The following RFX4 variants were observed in gnomAD, a reference collection of about 807,000 sequenced individuals.
RFX4 encodes the protein regulatory factor X4.
In RFX4, 10 loss-of-function variants were observed where a neutral mutation model predicts 95.0. That is an observed-to-expected ratio of 0.11 (90% CI 0.06 to 0.18). The LOEUF is 0.18. Among genes scored for constraint, RFX4 ranks in the 10% least tolerant of loss-of-function variants. The pLI is 1.00. For synonymous variants in RFX4, 321 were observed against 340.7 expected (o/e 0.94, Z 0.64); for missense variants, 640 against 922.0 (o/e 0.69, Z 3.96).
chr12:106,762,674 T>G lies in RFX4; in HGVS notation c.*1205T>G, dbSNP rs1426373785. The G allele has an allele frequency of 6.6e-6, 1 of 152,614 alleles. No individual in the cohort carries two copies. The highest frequency in any genetic ancestry group is 1.5e-5 in the Non-Finnish European group (1 of 68,042). 9.5% of individuals were successfully genotyped at this position (152,614 alleles called of 1,614,324 possible). On this transcript the variant is annotated 3_prime_UTR_variant, in exon 18 of 18. Coordinates refer to ENST00000392842, the MANE Select transcript of RFX4 (RefSeq NM_213594.3). ...ACATCGGATGTTTCAGCAACTGTTC[T>G]GTAAATAAAATCTTTGATCACACCA...
chr12:106,743,768 G>GA lies in RFX4; in HGVS notation c.1634-3662dup, dbSNP rs543783102. Among the ~76,000 whole-genome samples the GA allele has an allele frequency of 9.2e-5, 14 of 151,966 alleles. No homozygotes were observed. The East Asian group carries it at 1.7e-3, about 19-fold the overall frequency. On this transcript the variant is annotated intron_variant, in intron 15 of 17. Transcript: ENST00000392842. The stretch of plus-strand genomic sequence containing the variant: ...TATCATGACTTCTTCCCACTGCTTG[G>GA]AAAAAAACATGCTTTGGTTTCCTTG...
intron 4 of RFX4, among the ~76,000 whole-genome samples, chr12:106,666,514 T>C (rs2041179099): frequency 6.6e-6 from 1 of 152,160 alleles, no homozygotes; most frequent in Non-Finnish European, 1.5e-5. Context: ...TTCTTTTCTC[T>C]CTTTTTTTCT....
intron 16 of RFX4, among the ~76,000 whole-genome samples, chr12:106,748,682 C>A (rs1433534964): frequency 6.6e-6 from 1 of 152,180 alleles, no homozygotes; most frequent in African/African-American, 2.4e-5. Flanking sequence ...GGCACAGTGG[C>A]TCACACCTGT....
intron 1 of RFX4, among the ~76,000 whole-genome samples, chr12:106,603,754 A>T (rs2039762936): frequency 6.6e-6 from 1 of 152,230 alleles, no homozygotes; most frequent in South Asian, 2.1e-4. Context: ...CATTGATCAC[A>T]GTCTGCCTTC....
chr12:106,637,153 A>C (rs1209503971), intron 2 of RFX4, among the ~76,000 whole-genome samples: 1 of 152,340 alleles, frequency 6.6e-6, no homozygotes, highest in African/African-American at 2.4e-5. Flanking sequence ...AAATGAATCA[A>C]CATTCACCTT....
intron 9 of RFX4, 95 bp downstream of exon 9, chr12:106,709,525 T>A: frequency 3.5e-6 from 3 of 862,452 alleles, no homozygotes; most frequent in African/African-American, 1.7e-5. Context: ...AGCTACTGTT[T>A]ACTGGTTGAC....
Position 106,607,508 on chromosome 12 carries a change from G to C in RFX4, c.44-1289G>C, listed in dbSNP as rs141059057. Among the ~76,000 whole-genome samples the C allele has an allele frequency of 9.6e-5, 14 of 145,226 alleles. No homozygotes were observed. The East Asian group carries it at 2.9e-3, about 30-fold the overall frequency. On this transcript the variant is annotated intron_variant, in intron 1 of 17. Transcript: ENST00000392842. ...ACAACGTGGACCGAAGTAGCTGGTAGGTGTCTGAGGTGTGAACGTGAGTGT... is the reference window on the plus strand; with the variant it reads ...ACAACGTGGACCGAAGTAGCTGGTACGTGTCTGAGGTGTGAACGTGAGTGT...
chr12:106,652,492 A>G (rs1565965325), intron 3 of RFX4, among the ~76,000 whole-genome samples: 2 of 152,206 alleles, frequency 1.3e-5, no homozygotes, highest in Non-Finnish European at 2.9e-5. Context: ...ATGATGCAGA[A>G]TTGACTCAGA....
chr12:106,667,344 A>G (rs1359390564), intron 4 of RFX4, among the ~76,000 whole-genome samples: 2 of 152,176 alleles, frequency 1.3e-5, no homozygotes, highest in Non-Finnish European at 2.9e-5. Flanking sequence ...GCTCTGGTTA[A>G]CTAGCTTCTC....
chr12:106,718,855 A>T (rs2137523660), intron 11 of RFX4, among the ~76,000 whole-genome samples: 1 of 152,232 alleles, frequency 6.6e-6, no homozygotes. Context: ...GCACGCCTGT[A>T]ATCCCAGCAC....
At chr12:106,700,673 T>C (rs1462495652) in intron 8 of RFX4, among the ~76,000 whole-genome samples, 2 of 151,804 alleles carry the variant, frequency 1.3e-5, no homozygotes, top group African/African-American at 4.9e-5. Context: ...CCCAAAGTGC[T>C]GGGATTACAG....
intron 17 of RFX4, among the ~76,000 whole-genome samples, chr12:106,751,850 T>TGAGA (rs1386429333): frequency 6.6e-6 from 1 of 151,810 alleles, no homozygotes; most frequent in Admixed American, 6.6e-5. Flanking sequence ...CTTTGTCAGA[T>TGAGA]GAGAAGGTTG....
intron 7 of RFX4, among the ~76,000 whole-genome samples, chr12:106,692,088 C>T (rs1007651737): frequency 1.5e-4 from 22 of 149,372 alleles, no homozygotes; most frequent in Non-Finnish European, 2.5e-4. Flanking sequence ...ACCCAGGAGG[C>T]GGAGGTTGCA....
intron 7 of RFX4, among the ~76,000 whole-genome samples, chr12:106,692,287 T>G (rs2041800342): frequency 6.6e-6 from 1 of 152,208 alleles, no homozygotes; most frequent in African/African-American, 2.4e-5. Context: ...GACTAGCCTG[T>G]GACCTTGAGC....
chr12:106,747,298 G>A, intron 15 of RFX4, 139 bp from the exon 16 acceptor site: 2 of 836,100 alleles, frequency 2.4e-6, no homozygotes, highest in Non-Finnish European at 3.7e-6. Context: ...TGCCTCTGGT[G>A]AGCTCAGCAG....
chr12:106,670,670 GC>G (rs1157643894), intron 4 of RFX4, among the ~76,000 whole-genome samples: 1 of 152,058 alleles, frequency 6.6e-6, no homozygotes, highest in Admixed American at 6.6e-5. Flanking sequence ...CCAGTTCCTG[GC>G]ACCCAGGAAG....
intron 4 of RFX4, among the ~76,000 whole-genome samples, chr12:106,658,950 C>T (rs1395216404): frequency 2.0e-5 from 3 of 152,000 alleles, no homozygotes; most frequent in African/African-American, 7.3e-5. Flanking sequence ...CCAGAGGAGC[C>T]CCAAAAAGCA....
intron 3 of RFX4, among the ~76,000 whole-genome samples, chr12:106,651,362 C>T (rs773797696): frequency 9.2e-5 from 14 of 152,162 alleles, no homozygotes; most frequent in Non-Finnish European, 1.6e-4. Flanking sequence ...TGTATAAATA[C>T]CTACCTCATG....
chr12:106,601,680 G>A (rs532486711), intron 1 of RFX4, among the ~76,000 whole-genome samples: 6 of 152,292 alleles, frequency 3.9e-5, no homozygotes, highest in Non-Finnish European at 8.8e-5. Flanking sequence ...TGAACACCAC[G>A]GCTGGCTCCC....
Sources: gnomAD v4.1 joint callset for allele counts (sites outside exome capture counted in the v4.1 genomes callset) on GRCh38, gnomAD v4.1.1 for gene constraint, MANE v1.5 for transcripts, NCBI Gene and HGNC (gene_info 2026-07-23, HGNC 2026-07-21) for gene names.